The following SAMD4A variants were observed in gnomAD, a reference collection of about 807,000 sequenced individuals.
SAMD4A encodes the protein sterile alpha motif domain containing 4A.
SAMD4A carries 33 observed loss-of-function variants against 81.3 expected under a neutral mutation model. The ratio of observed to expected loss-of-function variants is 0.41; its 90% CI spans 0.31 to 0.54. The LOEUF (loss-of-function observed/expected upper bound fraction) is 0.54. Ranked by LOEUF, SAMD4A falls within the 20% of genes least tolerant of loss-of-function variation. The pLI is 0.37. For synonymous variants in SAMD4A, 389 were observed against 382.1 expected (o/e 1.02, Z -0.21); for missense variants, 854 against 951.1 (o/e 0.90, Z 1.34).
Position 54,698,751 on chromosome 14 carries a change from C to A in SAMD4A, c.197-3311C>A, listed in dbSNP as rs568368883. ...ATACTTGTCTTCCTGGTCCCACCAT[C>A]CAAGCCCTGTCCTGAGGATAAAGGG... On this transcript the variant is annotated intron_variant, in intron 2 of 12. Coordinates refer to ENST00000554335, the MANE Select transcript of SAMD4A (RefSeq NM_015589.6). Among the ~76,000 whole-genome samples the A allele has an allele frequency of 2.0e-4, 30 of 152,348 alleles. No individual in the cohort carries two copies. In the South Asian group the frequency reaches 5.8e-3, roughly 29 times the overall value.
rs891760874 is a variant in SAMD4A, at chr14:54,567,657, GT to G, written c.-249del. 1,565 of 406,078 alleles carry G rather than the reference GT, an allele frequency of 3.9e-3. 1 individual carries two copies. The highest frequency in any genetic ancestry group is 7.8e-3 in the Middle Eastern group (13 of 1,664). 25.2% of individuals were successfully genotyped at this position (406,078 alleles called of 1,614,324 possible). A position where few individuals can be genotyped will look rare whatever the true frequency, so the allele number is the denominator to read the frequency against. Reference sequence around the variant, plus strand: ...CCTTGTGGGGGATTTTTAAAAAGTCGTTTTTTTTTTTAAAGAAACATTTCCG... The same window carrying G: ...CCTTGTGGGGGATTTTTAAAAAGTCGTTTTTTTTTTAAAGAAACATTTCCG... On this transcript the variant is annotated 5_prime_UTR_variant, in exon 2 of 13. Coordinates refer to ENST00000554335, the MANE Select transcript of SAMD4A (RefSeq NM_015589.6).
At chr14:54,649,597 G>A (rs568896281) in intron 2 of SAMD4A, among the ~76,000 whole-genome samples, 18 of 152,292 alleles carry the variant, frequency 1.2e-4, no homozygotes, top group African/African-American at 2.9e-4. Context: ...TGACTTTGTC[G>A]TGTCGCAAGT....
chr14:54,591,503 T>G (rs1371825013), intron 2 of SAMD4A, among the ~76,000 whole-genome samples: 2 of 150,580 alleles, frequency 1.3e-5, no homozygotes, highest in African/African-American at 4.9e-5. Flanking sequence ...TTGCACAATT[T>G]AAATGGAGGG....
At chr14:54,738,398 C>A (rs1472225348) in intron 4 of SAMD4A, among the ~76,000 whole-genome samples, 2 of 152,178 alleles carry the variant, frequency 1.3e-5, no homozygotes, top group Non-Finnish European at 2.9e-5. Flanking sequence ...AGAAGCTGCT[C>A]CCCTGGCACA....
intron 2 of SAMD4A, chr14:54,694,530 G>A: frequency 1.5e-6 from 1 of 647,970 alleles, no homozygotes; most frequent in Non-Finnish European, 1.9e-6. Context: ...GATCATCTGA[G>A]TGAGCATGGA....
At chr14:54,580,616 A>G (rs1452986764) in intron 2 of SAMD4A, among the ~76,000 whole-genome samples, 4 of 152,240 alleles carry the variant, frequency 2.6e-5, no homozygotes, top group African/African-American at 9.6e-5. Flanking sequence ...CTGGGTGTTA[A>G]TGTGTATGGT....
rs754419960 is a variant in SAMD4A at position 54,760,388 on chromosome 14, C to T, written c.1404C>T (p.Ser468=). The T allele has an allele frequency of 1.7e-5, 25 of 1,504,812 alleles. No homozygotes were observed. The highest frequency in any genetic ancestry group is 7.6e-5 in the East Asian group (3 of 39,688). The allele number at this position is 1,504,812 out of a possible 1,614,324, so 93.2% of individuals were successfully genotyped here. Reference sequence around the variant, plus strand: ...CGGCCACCCCCTCGGCCGGGGCCAGCGGGGGGCTCCAGCCGCACCAGCTGA... The same window carrying T: ...CGGCCACCCCCTCGGCCGGGGCCAGTGGGGGGCTCCAGCCGCACCAGCTGA... The part of the protein sequence containing the change: ...GATATPSAGA[S]GGLQPHQLSS... Residue 468 remains serine (S), a synonymous_variant, in exon 7 of 13, where the codon AGC becomes AGT. Transcript: ENST00000554335.
At chr14:54,610,328 A>G (rs577916700) in intron 2 of SAMD4A, among the ~76,000 whole-genome samples, 2 of 152,312 alleles carry the variant, frequency 1.3e-5, no homozygotes, top group Non-Finnish European at 2.9e-5. Flanking sequence ...CCATGTAAAG[A>G]AGGAACAAAG....
At chr14:54,678,704 G>T (rs1347179231) in intron 2 of SAMD4A, among the ~76,000 whole-genome samples, 4 of 151,800 alleles carry the variant, frequency 2.6e-5, no homozygotes. Context: ...GCCCGCCATC[G>T]CTTCCGGCTA....
intron 4 of SAMD4A, 65 bp downstream of exon 4, chr14:54,737,352 A>G: frequency 1.3e-6 from 2 of 1,580,710 alleles, no homozygotes; most frequent in Non-Finnish European, 1.7e-6. Context: ...CCAGAGGGTA[A>G]AAAAAGAGAG....
chr14:54,748,858 C>A lies in SAMD4A; in HGVS notation c.1023C>A (p.Ala341=). Residue 341 remains alanine, a synonymous_variant, in exon 5 of 13, where the codon GCC becomes GCA. Coordinates refer to ENST00000554335, the MANE Select transcript of SAMD4A (RefSeq NM_015589.6). ...AAAGCCTCCGCCTGCACAAATATGCCGCGCTTTTCTCCCAGATGACCTATG... is the reference window on the plus strand; with the variant it reads ...AAAGCCTCCGCCTGCACAAATATGCAGCGCTTTTCTCCCAGATGACCTATG... ...WLKSLRLHKY[A]ALFSQMTYEE... is the part of the protein sequence containing the mutation. The A allele has an allele frequency of 1.3e-6, 2 of 1,555,434 alleles. No individual in the cohort carries two copies. The highest frequency in any genetic ancestry group is 2.4e-5 in the East Asian group (1 of 41,588).
In SAMD4A at chr14:54,611,094, C is replaced by T. The variant is rs148910696; in HGVS notation, c.196+42982C>T. On this transcript the variant is annotated intron_variant, in intron 2 of 12. Coordinates refer to ENST00000554335, the MANE Select transcript of SAMD4A (RefSeq NM_015589.6). ...ATAATAATGACACAGAAATATTGTA[C>T]TTTAGTTTATAAAAGGAAGCCTTTG... Among the ~76,000 whole-genome samples, 224 of 152,076 alleles carry T rather than the reference C, an allele frequency of 1.5e-3. 2 individuals carry two copies. The highest frequency in any genetic ancestry group is 5.1e-3 in the African/African-American group (213 of 41,482).
intron 2 of SAMD4A, among the ~76,000 whole-genome samples, chr14:54,680,999 A>T (rs1445238927): frequency 6.6e-6 from 1 of 152,288 alleles, no homozygotes; most frequent in East Asian, 1.9e-4. Context: ...TTAAATTTCT[A>T]ATGTCCGTCA....
At chr14:54,694,887 G>C (rs765729444) in intron 2 of SAMD4A, 8 of 985,570 alleles carry the variant, frequency 8.1e-6, no homozygotes, top group Non-Finnish European at 9.6e-6. Flanking sequence ...CAGATGGAAA[G>C]TCTCCATGGA....
intron 3 of SAMD4A, among the ~76,000 whole-genome samples, chr14:54,717,861 G>T (rs921601259): frequency 6.7e-6 from 1 of 148,580 alleles, no homozygotes; most frequent in Non-Finnish European, 1.5e-5. Context: ...GAGATGTCTT[G>T]CAAGCAAATA....
At chr14:54,766,032 C>A (rs926428037) in intron 8 of SAMD4A, among the ~76,000 whole-genome samples, 1 of 152,146 alleles carries the variant, frequency 6.6e-6, no homozygotes, top group Admixed American at 6.5e-5. Flanking sequence ...ACGCCATCCT[C>A]TGAAATGTTT....
intron 4 of SAMD4A, among the ~76,000 whole-genome samples, chr14:54,741,868 A>G (rs2037851471): frequency 6.6e-6 from 1 of 152,180 alleles, no homozygotes; most frequent in Non-Finnish European, 1.5e-5. Context: ...AGTGGATCCC[A>G]TGGCTTGAGT....
intron 2 of SAMD4A, among the ~76,000 whole-genome samples, chr14:54,599,567 C>G (rs1010516481): frequency 6.6e-6 from 1 of 152,132 alleles, no homozygotes; most frequent in Admixed American, 6.5e-5. Context: ...GTTAGAAGAC[C>G]TGAGTTTCAA....
At chr14:54,660,398 A>G (rs2035614425) in intron 2 of SAMD4A, among the ~76,000 whole-genome samples, 1 of 152,198 alleles carries the variant, frequency 6.6e-6, no homozygotes, top group Admixed American at 6.5e-5. Context: ...CTGGAGGTCC[A>G]TTTGCCCCAG....
Sources: allele counts gnomAD v4.1 joint callset (sites outside exome capture counted in the v4.1 genomes callset), GRCh38; gene constraint gnomAD v4.1.1; transcripts MANE v1.5; gene names NCBI Gene and HGNC (gene_info 2026-07-23, HGNC 2026-07-21).